RGL1: variants seen among roughly 807,000 people sequenced by gnomAD.
RGL1 encodes ral guanine nucleotide dissociation stimulator like 1, also known as ral guanine nucleotide dissociation stimulator-like 1.
Under a neutral mutation model 95.2 loss-of-function variants are expected in RGL1, and 24 were observed. The observed-to-expected ratio is 0.25, with a 90% CI of 0.18 to 0.35. RGL1 has a LOEUF of 0.35. Among genes scored for constraint, RGL1 ranks in the 10% least tolerant of loss-of-function variants. RGL1 has a pLI of 1.00. For synonymous variants in RGL1, 329 were observed against 344.9 expected (o/e 0.95, Z 0.51); for missense variants, 715 against 936.3 (o/e 0.76, Z 3.08).
chr1:183,757,062 C>T (rs868829018), intron 2 of RGL1, among the ~76,000 whole-genome samples: 5 of 146,640 alleles, frequency 3.4e-5, no homozygotes, highest in Middle Eastern at 7.3e-3. Flanking sequence ...TGCACGGAGT[C>T]ATCCACTATG....
At chr1:183,873,660 CATT>C (rs750956016) in intron 4 of RGL1, among the ~76,000 whole-genome samples, 8 of 152,190 alleles carry the variant, frequency 5.3e-5, no homozygotes, top group Non-Finnish European at 1.2e-4. Flanking sequence ...ATTACAATAT[CATT>C]GTTGTGACTA....
intron 2 of RGL1, among the ~76,000 whole-genome samples, chr1:183,815,273 CAA>C (rs55883302): frequency 1.2e-3 from 173 of 142,576 alleles, no homozygotes; most frequent in Middle Eastern, 3.6e-3. Flanking sequence ...AACTCCATCT[CAA>C]AAAAAAAAAA....
chr1:183,841,674 G>T (rs765388421), intron 2 of RGL1, among the ~76,000 whole-genome samples: 1 of 152,158 alleles, frequency 6.6e-6, no homozygotes, highest in Admixed American at 6.6e-5. Context: ...TATTGGCCTT[G>T]TCATGTTCTG....
At chr1:183,837,079 C>T (rs762368290) in intron 2 of RGL1, among the ~76,000 whole-genome samples, 50 of 152,100 alleles carry the variant, frequency 3.3e-4, no homozygotes, top group Admixed American at 5.9e-4. Flanking sequence ...AAATTAATGA[C>T]TTGACTTTAA....
chr1:183,916,813 C>A, intron 16 of RGL1, 112 bp downstream of exon 16: 1 of 1,174,928 alleles, frequency 8.5e-7, no homozygotes, highest in Non-Finnish European at 1.2e-6. Flanking sequence ...TTAGCATATA[C>A]ATATATGCAT....
intron 1 of RGL1, among the ~76,000 whole-genome samples, chr1:183,654,231 C>G (rs1650978389): frequency 6.6e-6 from 1 of 152,122 alleles, no homozygotes; most frequent in South Asian, 2.1e-4. Flanking sequence ...CAGGTGTATT[C>G]ATGAACTCCT....
chr1:183,823,920 A>AG (rs1662670711), intron 2 of RGL1, among the ~76,000 whole-genome samples: 1 of 152,112 alleles, frequency 6.6e-6, no homozygotes, highest in Non-Finnish European at 1.5e-5. Flanking sequence ...CTGGATGGCT[A>AG]GGACTACAGG....
chr1:183,855,219 T>C (rs1665060049), intron 3 of RGL1, among the ~76,000 whole-genome samples: 1 of 152,206 alleles, frequency 6.6e-6, no homozygotes, highest in African/African-American at 2.4e-5. Context: ...AATAAGTCTA[T>C]AGACTCGTGT....
In RGL1 at chr1:183,880,042, T is replaced by G. The variant is rs568706602; in HGVS notation, c.426-574T>G. 5.9e-5 allele frequency among the ~76,000 whole-genome samples: 9 copies of G among 152,362 alleles called. No individual in the cohort carries two copies. In the East Asian group the frequency reaches 1.7e-3, roughly 29 times the overall value. On this transcript the variant is annotated intron_variant, in intron 4 of 17. Transcript: ENST00000360851. ...CCTACTGTTTCTGCTACTTGAAACATATTCCTCTCATTGTAATTTGAGAAA... is the reference window on the plus strand; with the variant it reads ...CCTACTGTTTCTGCTACTTGAAACAGATTCCTCTCATTGTAATTTGAGAAA...
At chr1:183,690,377 G>A (rs1198137614) in intron 1 of RGL1, among the ~76,000 whole-genome samples, 4 of 152,098 alleles carry the variant, frequency 2.6e-5, no homozygotes, top group East Asian at 3.8e-4. Flanking sequence ...TTGTAATCAC[G>A]AATAGGTAGC....
intron 2 of RGL1, among the ~76,000 whole-genome samples, chr1:183,810,648 C>CT (rs1308510578): frequency 6.6e-6 from 1 of 152,166 alleles, no homozygotes; most frequent in African/African-American, 2.4e-5. Context: ...TATGTGGGGA[C>CT]TGTGGTAAGA....
intron 1 of RGL1, among the ~76,000 whole-genome samples, chr1:183,695,954 A>C (rs889589973): frequency 6.6e-6 from 1 of 152,206 alleles, no homozygotes; most frequent in Admixed American, 6.5e-5. Context: ...GCCTACTGAA[A>C]ATATTATTCA....
chr1:183,906,482 T>A (rs181940910), intron 13 of RGL1, among the ~76,000 whole-genome samples: 30 of 151,892 alleles, frequency 2.0e-4, no homozygotes, highest in Admixed American at 1.2e-3. Flanking sequence ...TAAATAAATA[T>A]ATATATATAT....
rs1651903960 is a variant in RGL1 at position 183,664,595 on chromosome 1, T to C, written c.-33+28094T>C. Among the ~76,000 whole-genome samples, 3 of 151,226 alleles carry C rather than the reference T, an allele frequency of 2.0e-5. 1 individual carries two copies. The South Asian group carries it at 6.3e-4, about 32-fold the overall frequency. Reference sequence around the variant, plus strand: ...ATACTTTTTTTTTTTTTTAATGCCATAATCCTGCTATCGCATCCTACTTTT... The same window carrying C: ...ATACTTTTTTTTTTTTTTAATGCCACAATCCTGCTATCGCATCCTACTTTT... On this transcript the variant is annotated intron_variant, in intron 1 of 18. Transcript: ENST00000304685.
At chr1:183,776,451 T>A (rs1659609443) in intron 2 of RGL1, among the ~76,000 whole-genome samples, 1 of 149,846 alleles carries the variant, frequency 6.7e-6, no homozygotes, top group South Asian at 2.2e-4. Flanking sequence ...CCCGGCCAGA[T>A]TTTTTTTTTA....
Position 183,678,310 on chromosome 1 carries a change from T to C in RGL1, c.-33+41809T>C, listed in dbSNP as rs573718702. 2.4e-4 allele frequency among the ~76,000 whole-genome samples: 37 copies of C among 152,346 alleles called. 1 individual carries two copies. The highest frequency in any genetic ancestry group is 8.7e-4 in the African/African-American group (36 of 41,584). ...ATTATTTTCCCACTTTCCATAGATT[T>C]ATATTCTTCCCTATCATGATACCAT... On this transcript the variant is annotated intron_variant, in intron 1 of 18. Coordinates refer to the RGL1 transcript ENST00000304685.
chr1:183,764,744 A>G (rs1255881589), intron 2 of RGL1, among the ~76,000 whole-genome samples: 1 of 152,162 alleles, frequency 6.6e-6, no homozygotes, highest in Non-Finnish European at 1.5e-5. Flanking sequence ...CCACCCAGGA[A>G]TCAAACGTTA....
rs187843810 is a variant in RGL1 at position 183,858,120 on chromosome 1, C to T, written c.348-7876C>T. On this transcript the variant is annotated intron_variant, in intron 3 of 17. Transcript: ENST00000360851. ...CAGCAGGTTTTTTTTTTAAAGTGTG[C>T]TTAACATTTGTAAACTACAAAACAA... Among the ~76,000 whole-genome samples, 130 of 151,458 alleles carry T rather than the reference C, an allele frequency of 8.6e-4. 1 individual carries two copies. The East Asian group carries it at 0.019, about 22-fold the overall frequency.
At chr1:183,882,815 T>C (rs1057082663) in intron 5 of RGL1, among the ~76,000 whole-genome samples, 1 of 152,222 alleles carries the variant, frequency 6.6e-6, no homozygotes, top group Non-Finnish European at 1.5e-5. Context: ...AGATGCCCAA[T>C]AGTCTTTAAT....
Sources: gnomAD v4.1 joint callset for allele counts (sites outside exome capture counted in the v4.1 genomes callset) on GRCh38, gnomAD v4.1.1 for gene constraint, MANE v1.5 for transcripts, NCBI Gene and HGNC (gene_info 2026-07-23, HGNC 2026-07-21) for gene names.